The following SRRM1 variants were observed in gnomAD, a reference collection of about 807,000 sequenced individuals.
The protein encoded by SRRM1 is serine/arginine repetitive matrix protein 1.
Under a neutral mutation model 110.2 loss-of-function variants are expected in SRRM1, and 19 were observed. That is an observed-to-expected ratio of 0.17 (90% CI 0.12 to 0.25). The LOEUF (loss-of-function observed/expected upper bound fraction) is 0.25, where lower values mean the gene tolerates loss of function less well. Among genes scored for constraint, SRRM1 ranks in the 10% least tolerant of loss-of-function variants. SRRM1 has a pLI of 1.00. For synonymous variants in SRRM1, 443 were observed against 414.9 expected, an observed-to-expected ratio of 1.07 and a Z score of -0.82; for missense variants, 918 against 1,145.8, an observed-to-expected ratio of 0.80 and a Z score of 2.87.
At chr1:24,648,597 ATACT>A (rs1253876015) in intron 3 of SRRM1, 9 of 308,266 alleles carry the variant, frequency 2.9e-5, no homozygotes, top group Non-Finnish European at 4.7e-5. Flanking sequence ...GAGTCTAAAA[ATACT>A]TACGAAATCC....
chr1:24,670,365 C>A, intron 15 of SRRM1, 50 bp downstream of exon 15: 2 of 1,474,958 alleles, frequency 1.4e-6, no homozygotes, highest in South Asian at 2.7e-5. Context: ...TGTATATGGT[C>A]ACTTTGAAGC....
chr1:24,648,031 A>T (rs1334080681), intron 3 of SRRM1: 1 of 152,204 alleles, frequency 6.6e-6, no homozygotes, highest in East Asian at 1.9e-4. Context: ...TAGATAAATG[A>T]TATAACATTA....
intron 14 of SRRM1, 39 bp downstream of exon 14, chr1:24,669,626 A>C (rs762212499): frequency 7.0e-7 from 1 of 1,423,472 alleles, no homozygotes; most frequent in South Asian, 1.4e-5. Flanking sequence ...GAATACTTAC[A>C]TAGCTGTTTA....
At chr1:24,662,566 C>A in intron 11 of SRRM1, 94 bp from the exon 12 acceptor site, 3 of 1,254,084 alleles carry the variant, frequency 2.4e-6, no homozygotes, top group Non-Finnish European at 3.4e-6. Flanking sequence ...TGCTTGCTTA[C>A]CCTAGTGAAC....
intron 9 of SRRM1, among the ~76,000 whole-genome samples, chr1:24,656,760 T>A (rs1179499942): frequency 6.6e-6 from 1 of 152,232 alleles, no homozygotes; most frequent in Non-Finnish European, 1.5e-5. Context: ...GCCTAAGAGT[T>A]GCAAAAGTAC....
rs370796831 is a variant in SRRM1 at position 24,652,534 on chromosome 1, C to T, written c.826C>T (p.Pro276Ser). ...AGAAAAGGAGAAGGAGAAGACCCGA[C>T]CACGATCTCGGTCACGCTCCAAATC... ...KKEKEKEKTR[P>S]RSRSRSKSRS... Residue 276 changes from proline to serine, a missense_variant, in exon 7 of 17, where the codon CCA (proline) becomes TCA (serine). Coordinates refer to ENST00000323848, the MANE Select transcript of SRRM1 (RefSeq NM_005839.4). 6.2e-7 allele frequency: 1 copy of T among 1,613,634 alleles called. No homozygotes were observed. The highest frequency in any genetic ancestry group is 8.5e-7 in the Non-Finnish European group (1 of 1,179,918).
rs141861323 is a variant in SRRM1, at chr1:24,660,686, C to G, written c.1316-33C>G. The G allele has an allele frequency of 8.0e-6, 10 of 1,248,818 alleles. No homozygotes were observed. In the South Asian group the frequency reaches 1.5e-4, roughly 19 times the overall value. 77.4% of individuals were successfully genotyped at this position (1,248,818 alleles called of 1,614,324 possible). On this transcript the variant is annotated intron_variant, in intron 9 of 16. Coordinates refer to ENST00000323848, the MANE Select transcript of SRRM1 (RefSeq NM_005839.4). ...CATCTTGTATAGACCTTTTTTTGTA[C>G]GTAAGCTTTTTTCCACTCTTATTCT...
At chr1:24,645,390 AG>A (rs1471995241) in intron 1 of SRRM1, among the ~76,000 whole-genome samples, 1 of 152,232 alleles carries the variant, frequency 6.6e-6, no homozygotes, top group Non-Finnish European at 1.5e-5. Context: ...AAGAATAATT[AG>A]TGATCACTCG....
At position 24,661,396 on chromosome 1, in the gene SRRM1, G is replaced by A; in HGVS notation, c.1483G>A (p.Asp495Asn). Residue 495 changes from aspartate (D) to asparagine (N), a missense_variant and splice_region_variant, in exon 11 of 17, where the codon GAC becomes AAC. Physicochemically the swap from Asp to Asn is conservative, Grantham distance 23. Coordinates refer to ENST00000323848, the MANE Select transcript of SRRM1 (RefSeq NM_005839.4). ...ACGACAAAACCAGCAGTCTTCATCTGGTATGGATGGTGATGAAAGTTTTTT... is the reference window on the plus strand; with the variant it reads ...ACGACAAAACCAGCAGTCTTCATCTAGTATGGATGGTGATGAAAGTTTTTT... ...YRRQNQQSSS[D>N]SGSSSSSEDE... is the part of the protein sequence containing the mutation. 3 of 1,608,718 alleles carry A rather than the reference G, an allele frequency of 1.9e-6. No homozygotes were observed. The highest frequency in any genetic ancestry group is 2.5e-6 in the Non-Finnish European group (3 of 1,177,124).
chr1:24,664,306 T>C (rs986198693), intron 12 of SRRM1, among the ~76,000 whole-genome samples: 2 of 152,144 alleles, frequency 1.3e-5, no homozygotes, highest in African/African-American at 4.8e-5. Flanking sequence ...TGCATATCTT[T>C]ATTGAAACTT....
At chr1:24,648,596 A>C (rs989583044) in intron 3 of SRRM1, 1 of 306,368 alleles carries the variant, frequency 3.3e-6, no homozygotes, top group African/African-American at 2.2e-5. Flanking sequence ...AGAGTCTAAA[A>C]ATACTTACGA....
In SRRM1 at chr1:24,662,767, C is replaced by T; in HGVS notation, c.1591C>T (p.Pro531Ser). The change falls in exon 12 of 17, where the codon CCA becomes TCA. Residue 531 changes from proline (P) to serine (S), a missense_variant. Pro to Ser is a moderately conservative substitution (Grantham distance 74). Transcript: ENST00000323848. ...ACATTCCCCTTCCCGGAGTGCTTCTCCATCACCACGAAAGCGCCAAAAAGA... is the reference window on the plus strand; with the variant it reads ...ACATTCCCCTTCCCGGAGTGCTTCTTCATCACCACGAAAGCGCCAAAAAGA... ...RRHSPSRSAS[P>S]SPRKRQKETS... 1 of 1,614,152 alleles carries T rather than the reference C, an allele frequency of 6.2e-7. No homozygotes were observed. Among genetic ancestry groups the T allele is most frequent in the Non-Finnish European group, 8.5e-7 (1 of 1,180,022 alleles).
intron 9 of SRRM1, among the ~76,000 whole-genome samples, chr1:24,660,496 G>C (rs945740149): frequency 6.6e-6 from 1 of 152,116 alleles, no homozygotes; most frequent in African/African-American, 2.4e-5. Context: ...TAGCAGGAAG[G>C]CATCTTGGCT....
rs1003214020 is a variant in SRRM1, at chr1:24,652,725, T to G, written c.920+97T>G. On this transcript the variant is annotated intron_variant, in intron 7 of 16. Coordinates refer to ENST00000323848, the MANE Select transcript of SRRM1 (RefSeq NM_005839.4). ...ATAATTTCAAAGTGGTAGAAGATGT[T>G]TAGTACAAATATTTTTTGAATGTAC... 3.8e-6 allele frequency: 5 copies of G among 1,327,624 alleles called. No homozygotes were observed. The African/African-American group carries it at 7.4e-5, about 20-fold the overall frequency. 82.2% of individuals were successfully genotyped at this position (1,327,624 alleles called of 1,614,324 possible).
chr1:24,658,338 G>A (rs1041946652), intron 9 of SRRM1, among the ~76,000 whole-genome samples: 2 of 151,618 alleles, frequency 1.3e-5, no homozygotes, highest in African/African-American at 4.9e-5. Flanking sequence ...AGCCTCACGA[G>A]TAGCTGGGAT....
intron 1 of SRRM1, among the ~76,000 whole-genome samples, chr1:24,644,498 C>T (rs993228063): frequency 2.0e-5 from 3 of 152,188 alleles, no homozygotes; most frequent in African/African-American, 7.2e-5. Context: ...AGGGCCAGAA[C>T]TTTAGTAAAA....
Position 24,661,306 on chromosome 1 carries a change from T to G in SRRM1, c.1397-4T>G. 1 of 1,609,116 alleles carries G rather than the reference T, an allele frequency of 6.2e-7. No homozygotes were observed. Among genetic ancestry groups the G allele is most frequent in the South Asian group, 1.1e-5 (1 of 90,468 alleles). On this transcript the variant is annotated splice_polypyrimidine_tract_variant and splice_region_variant and intron_variant, in intron 10 of 16. Transcript: ENST00000323848. ...AACACTTTCTAAATGCATCCATCTT[T>G]CAGAAGAAGATAAAGGTGGCAAAAT...
At chr1:24,664,291 C>T (rs1219545224) in intron 12 of SRRM1, among the ~76,000 whole-genome samples, 2 of 152,114 alleles carry the variant, frequency 1.3e-5, no homozygotes, top group South Asian at 2.1e-4. Context: ...CCACTGGGCC[C>T]GACCTGCATA....
intron 4 of SRRM1, 45 bp downstream of exon 4, chr1:24,649,074 C>T: frequency 6.4e-7 from 1 of 1,571,478 alleles, no homozygotes; most frequent in Non-Finnish European, 8.7e-7. Context: ...AGAGTATTGG[C>T]CAGGCTGCCG....
Sources: allele counts gnomAD v4.1 joint callset (sites outside exome capture counted in the v4.1 genomes callset), GRCh38; gene constraint gnomAD v4.1.1; transcripts MANE v1.5; gene names NCBI Gene and HGNC (gene_info 2026-07-23, HGNC 2026-07-21).